Variants in SNX29 observed in about 807,000 individuals in gnomAD.
SNX29 encodes the protein sorting nexin-29.
Under a neutral mutation model 102.1 loss-of-function variants are expected in SNX29, and 78 were observed. The observed-to-expected ratio is 0.76, with a 90% CI of 0.64 to 0.92. The LOEUF is 0.92. Ranked by LOEUF, SNX29 falls within the 40% of genes least tolerant of loss-of-function variation. The pLI, the probability that SNX29 is intolerant of heterozygous loss-of-function variation, is 0.00. For synonymous variants in SNX29, 580 were observed against 414.5 expected (o/e 1.40, Z -4.85); for missense variants, 1,280 against 1,061.7 (o/e 1.21, Z -2.86).
rs116604213 is a variant in SNX29, at chr16:12,405,051, A to C, written c.2037+1522A>C. Among the ~76,000 whole-genome samples the C allele has an allele frequency of 2.2e-3, 335 of 152,312 alleles. 1 individual carries two copies. The highest frequency in any genetic ancestry group is 7.7e-3 in the African/African-American group (322 of 41,568). ...GGAGAATTAGATATTATGGATTTTCAAAAATCCTCTTCTCTTTGTTTCTCC... is the reference window on the plus strand; with the variant it reads ...GGAGAATTAGATATTATGGATTTTCCAAAATCCTCTTCTCTTTGTTTCTCC... On this transcript the variant is annotated intron_variant, in intron 18 of 20. Transcript: ENST00000566228.
At chr16:12,560,143 C>CG (rs796537371) in intron 20 of SNX29, among the ~76,000 whole-genome samples, 5 of 45,072 alleles carry the variant, frequency 1.1e-4, no homozygotes, top group Non-Finnish European at 4.2e-4. Flanking sequence ...CCTCCCCCCC[C>CG]CAACAAACAG....
At chr16:12,543,125 A>G (rs1615250) in intron 20 of SNX29, among the ~76,000 whole-genome samples, 17,835 of 152,196 alleles carry the variant, frequency 0.12, 1,340 homozygotes, top group Non-Finnish European at 0.16. Flanking sequence ...CGTATCTTAT[A>G]GATGGTTTAG....
At chr16:12,078,264 C>T (rs2051680382) in intron 10 of SNX29, among the ~76,000 whole-genome samples, 1 of 152,032 alleles carries the variant, frequency 6.6e-6, no homozygotes, top group Admixed American at 6.6e-5. Flanking sequence ...CACTTGAGGT[C>T]AGGACTTTGA....
chr16:12,177,162 G>A (rs752050926), intron 13 of SNX29, among the ~76,000 whole-genome samples: 2 of 152,038 alleles, frequency 1.3e-5, no homozygotes, highest in African/African-American at 4.8e-5. Context: ...TTTCTGGGCT[G>A]GTCTTGAACT....
At chr16:12,549,024 T>G (rs952861123) in intron 20 of SNX29, among the ~76,000 whole-genome samples, 2 of 152,210 alleles carry the variant, frequency 1.3e-5, no homozygotes, top group Non-Finnish European at 2.9e-5. Flanking sequence ...ATAAAAAGCT[T>G]GTGGAGTATC....
chr16:12,070,284 G>T lies in SNX29; in HGVS notation c.1319+1152G>T, dbSNP rs2051235046. Reference sequence around the variant, plus strand: ...GCTGGTGTGCTGCACCCATTAACTCGTCATTTAGCATTAGCTATATCTCCT... The same window carrying T: ...GCTGGTGTGCTGCACCCATTAACTCTTCATTTAGCATTAGCTATATCTCCT... On this transcript the variant is annotated intron_variant, in intron 10 of 20. Transcript: ENST00000566228. 2.0e-5 allele frequency among the ~76,000 whole-genome samples: 3 copies of T among 149,318 alleles called. No homozygotes were observed. The South Asian group carries it at 6.5e-4, about 32-fold the overall frequency.
intron 18 of SNX29, among the ~76,000 whole-genome samples, chr16:12,435,942 C>T (rs2085514671): frequency 6.6e-6 from 1 of 152,188 alleles, no homozygotes; most frequent in Non-Finnish European, 1.5e-5. Flanking sequence ...AGCGACGCCA[C>T]ACACGTGCCG....
chr16:12,546,496 G>T (rs754748267), intron 20 of SNX29: 1 of 152,172 alleles, frequency 6.6e-6, no homozygotes, highest in Non-Finnish European at 1.5e-5. Flanking sequence ...GCACAGGAAA[G>T]ACTCGCCCCT....
chr16:12,019,591 T>TAGATAG (rs1555520333), intron 3 of SNX29, among the ~76,000 whole-genome samples: 13,002 of 142,752 alleles, frequency 0.091, 684 homozygotes, highest in Non-Finnish European at 0.1. Context: ...AATATATATA[T>TAGATAG]ATAGATAGAT....
At position 12,052,064 on chromosome 16, in the gene SNX29, C is replaced by A; in HGVS notation, c.966C>A (p.Asn322Lys). ...ACTCCAATGGAAGTCAGAGCAGCAA[C>A]TCATGGAAAATTGATTCCCTGTCTT... ...GPNSNGSQSS[N>K]SWKIDSLSLN... is the part of the protein sequence containing the mutation. The change falls in exon 8 of 21, where the codon AAC (asparagine) becomes AAA (lysine). Residue 322 changes from asparagine (N) to lysine (K), a missense_variant. By Grantham distance (94) the Asn-to-Lys change is moderately conservative. Coordinates refer to ENST00000566228, the MANE Select transcript of SNX29 (RefSeq NM_032167.5). 2 of 1,613,954 alleles carry A rather than the reference C, an allele frequency of 1.2e-6. No individual in the cohort carries two copies. The highest frequency in any genetic ancestry group is 1.7e-6 in the Non-Finnish European group (2 of 1,179,876).
intron 3 of SNX29, among the ~76,000 whole-genome samples, chr16:12,017,947 C>T (rs1354133888): frequency 6.6e-6 from 1 of 151,960 alleles, no homozygotes; most frequent in East Asian, 1.9e-4. Context: ...CTCTCGTCAC[C>T]CAGGCAGGAG....
At chr16:12,505,490 GT>G (rs1412666313) in intron 19 of SNX29, among the ~76,000 whole-genome samples, 1 of 152,142 alleles carries the variant, frequency 6.6e-6, no homozygotes, top group Non-Finnish European at 1.5e-5. Flanking sequence ...CCTTATGCCA[GT>G]TCCTTTTTTA....
At chr16:12,544,702 C>T (rs773943070) in intron 20 of SNX29, among the ~76,000 whole-genome samples, 8 of 152,324 alleles carry the variant, frequency 5.3e-5, no homozygotes, top group African/African-American at 7.2e-5. Context: ...TCTCTTCCTC[C>T]ACCATCCCTT....
chr16:12,041,450 TAC>T (rs1190399441), intron 4 of SNX29, among the ~76,000 whole-genome samples: 11 of 152,344 alleles, frequency 7.2e-5, no homozygotes, highest in Admixed American at 6.5e-5. Context: ...AACAAATTAA[TAC>T]ACAGTTGTTG....
chr16:12,572,803 C>G lies in SNX29; in HGVS notation c.*4174C>G, dbSNP rs1455907901. The G allele has an allele frequency of 1.3e-5, 14 of 1,063,870 alleles. No homozygotes were observed. Among genetic ancestry groups the G allele is most frequent in the Non-Finnish European group, 1.4e-5 (12 of 878,348 alleles). 65.9% of individuals were successfully genotyped at this position (1,063,870 alleles called of 1,614,324 possible). The stretch of plus-strand genomic sequence containing the variant: ...CCTCACTCCTCCTTCCCCAGTACAT[C>G]AGACTGGTTAGGAGGCATCCCAGAA... On this transcript the variant is annotated 3_prime_UTR_variant, in exon 21 of 21. Coordinates refer to ENST00000566228, the MANE Select transcript of SNX29 (RefSeq NM_032167.5).
intron 20 of SNX29, among the ~76,000 whole-genome samples, chr16:12,550,966 A>G (rs1298517327): frequency 6.6e-6 from 1 of 152,222 alleles, no homozygotes; most frequent in Non-Finnish European, 1.5e-5. Flanking sequence ...GAATGGGCTT[A>G]GGGCACAACA....
At chr16:12,053,449 C>T (rs1461704276) in intron 8 of SNX29, among the ~76,000 whole-genome samples, 1 of 151,884 alleles carries the variant, frequency 6.6e-6, no homozygotes, top group East Asian at 1.9e-4. Flanking sequence ...AATCCCGGCA[C>T]TTTGGGAGGC....
At chr16:12,547,813 C>T (rs1478601408) in intron 20 of SNX29, among the ~76,000 whole-genome samples, 1 of 152,166 alleles carries the variant, frequency 6.6e-6, no homozygotes, top group Non-Finnish European at 1.5e-5. Context: ...GAATGCTCTG[C>T]AGGGACAGCC....
chr16:12,355,225 TACA>T (rs1404495056), intron 15 of SNX29, among the ~76,000 whole-genome samples: 2 of 152,150 alleles, frequency 1.3e-5, no homozygotes, highest in East Asian at 1.9e-4. Context: ...TTACCCTTCA[TACA>T]ACAACAAAAA....
Sources: gnomAD v4.1 joint callset for allele counts (sites outside exome capture counted in the v4.1 genomes callset) on GRCh38, gnomAD v4.1.1 for gene constraint, MANE v1.5 for transcripts, NCBI Gene and HGNC (gene_info 2026-07-23, HGNC 2026-07-21) for gene names.